The following FAM171A1 variants were observed in gnomAD, a reference collection of about 807,000 sequenced individuals.
FAM171A1 encodes family with sequence similarity 171 member A1.
A neutral mutation model predicts 74.9 loss-of-function variants in FAM171A1; 23 were observed. The ratio of observed to expected loss-of-function variants is 0.31; its 90% CI spans 0.22 to 0.44. The LOEUF (loss-of-function observed/expected upper bound fraction) is 0.44. Among genes scored for constraint, FAM171A1 ranks in the 20% least tolerant of loss-of-function variants. The pLI is 1.00. For missense variants in FAM171A1, 1,162 were observed against 1,159.2 expected (o/e 1.00, Z -0.03); for synonymous variants, 527 against 505.7 (o/e 1.04, Z -0.57).
intron 1 of FAM171A1, among the ~76,000 whole-genome samples, chr10:15,324,004 G>A (rs1245981662): frequency 3.3e-5 from 5 of 152,164 alleles, no homozygotes; most frequent in Admixed American, 2.0e-4. Context: ...TGGAAACGAT[G>A]CTGGTTAGCC....
intron 1 of FAM171A1, among the ~76,000 whole-genome samples, chr10:15,297,100 C>G (rs765068970): frequency 6.6e-6 from 1 of 151,820 alleles, no homozygotes; most frequent in Non-Finnish European, 1.5e-5. Flanking sequence ...TTGTGTCACC[C>G]AGGCTGGAGT....
chr10:15,369,400 G>A (rs1226040546), intron 1 of FAM171A1, among the ~76,000 whole-genome samples: 2 of 152,014 alleles, frequency 1.3e-5, no homozygotes, highest in Non-Finnish European at 2.9e-5. Context: ...AAAGCAGTAG[G>A]GTATTAATAA....
At chr10:15,271,095 G>A (rs1402342580) in intron 3 of FAM171A1, among the ~76,000 whole-genome samples, 1 of 152,168 alleles carries the variant, frequency 6.6e-6, no homozygotes, top group Non-Finnish European at 1.5e-5. Context: ...CTGAGCTAAA[G>A]GAAGATGTTC....
intron 3 of FAM171A1, among the ~76,000 whole-genome samples, chr10:15,273,981 G>A (rs1834861079): frequency 6.6e-6 from 1 of 152,156 alleles, no homozygotes; most frequent in Non-Finnish European, 1.5e-5. Flanking sequence ...GCATAAGACA[G>A]GGATGCCCTC....
At chr10:15,254,978 C>G (rs1464848011) in intron 3 of FAM171A1, 99 bp from the exon 4 acceptor site, 1 of 1,099,056 alleles carries the variant, frequency 9.1e-7, no homozygotes, top group Non-Finnish European at 1.3e-6. Flanking sequence ...CAGCACGCCT[C>G]CCCCACCCTG....
intron 1 of FAM171A1, among the ~76,000 whole-genome samples, chr10:15,316,970 G>T (rs1254487386): frequency 6.6e-6 from 1 of 151,878 alleles, no homozygotes. Flanking sequence ...GTGATGCAAG[G>T]ACTGAAGAGT....
chr10:15,337,671 T>TTAATGAGCAGTAGGGGTC (rs1564284004), intron 1 of FAM171A1, among the ~76,000 whole-genome samples: 1 of 151,244 alleles, frequency 6.6e-6, no homozygotes, highest in South Asian at 2.1e-4. Flanking sequence ...CAGTAGGGGT[T>TTAATGAGCAGTAGGGGTC]GGCGCGGTGG....
At chr10:15,274,505 T>A (rs1015354897) in intron 3 of FAM171A1, among the ~76,000 whole-genome samples, 4 of 152,296 alleles carry the variant, frequency 2.6e-5, no homozygotes, top group African/African-American at 9.6e-5. Context: ...AAGCTCCCAA[T>A]GACTTTCTTC....
intron 1 of FAM171A1, among the ~76,000 whole-genome samples, chr10:15,359,429 G>A (rs1005755229): frequency 1.3e-5 from 2 of 152,134 alleles, no homozygotes; most frequent in South Asian, 4.1e-4. Context: ...GAACCTGAGA[G>A]GACACCCTCA....
intron 1 of FAM171A1, among the ~76,000 whole-genome samples, chr10:15,343,283 C>T (rs573977960): frequency 2.0e-5 from 3 of 152,286 alleles, no homozygotes; most frequent in African/African-American, 7.2e-5. Flanking sequence ...GTGGGAGGAT[C>T]GCTTGAGCCC....
intron 1 of FAM171A1, among the ~76,000 whole-genome samples, chr10:15,348,138 C>T (rs776836753): frequency 6.6e-6 from 1 of 150,564 alleles, no homozygotes; most frequent in Non-Finnish European, 1.5e-5. Flanking sequence ...CCACCATTCC[C>T]GGCTAATTTT....
At chr10:15,344,783 A>G (rs1835801024) in intron 1 of FAM171A1, among the ~76,000 whole-genome samples, 1 of 152,230 alleles carries the variant, frequency 6.6e-6, no homozygotes, top group Non-Finnish European at 1.5e-5. Context: ...ACTTTGTCTC[A>G]GTGGAAAAGG....
chr10:15,224,905 G>A (rs538508587), intron 5 of FAM171A1, among the ~76,000 whole-genome samples: 2 of 152,250 alleles, frequency 1.3e-5, no homozygotes, highest in Non-Finnish European at 2.9e-5. Context: ...CCCATTCTGT[G>A]ACTTTGCCTG....
At chr10:15,315,063 G>A (rs1588549369) in intron 1 of FAM171A1, among the ~76,000 whole-genome samples, 1 of 152,328 alleles carries the variant, frequency 6.6e-6, no homozygotes, top group South Asian at 2.1e-4. Context: ...AACCAACCTG[G>A]TTGAGGTATA....
At position 15,233,298 on chromosome 10, in the gene FAM171A1, A is replaced by C. The variant is rs368916965; in HGVS notation, c.755-12238T>G. On this transcript the variant is annotated intron_variant, in intron 5 of 7. Transcript: ENST00000378116. Reference sequence around the variant, plus strand: ...TGACAGAGCAAGACTCCGTCTCAAAAAAAAACAAAAACAAAAACAAAAAAA... The same window carrying C: ...TGACAGAGCAAGACTCCGTCTCAAACAAAAACAAAAACAAAAACAAAAAAA... Among the ~76,000 whole-genome samples, 420 of 151,470 alleles carry C rather than the reference A, an allele frequency of 2.8e-3. 1 individual carries two copies. Among genetic ancestry groups the C allele is most frequent in the African/African-American group, 9.8e-3 (406 of 41,482 alleles).
chr10:15,232,875 T>C (rs189548010), intron 5 of FAM171A1, among the ~76,000 whole-genome samples: 10 of 152,372 alleles, frequency 6.6e-5, no homozygotes, highest in Admixed American at 4.6e-4. Flanking sequence ...CTAAAGTTCC[T>C]TTCTGATAAA....
At chr10:15,270,518 T>C (rs1457933646) in intron 3 of FAM171A1, among the ~76,000 whole-genome samples, 1 of 152,178 alleles carries the variant, frequency 6.6e-6, no homozygotes. Context: ...TTGACAGCTC[T>C]GAACAGAGTA....
chr10:15,273,684 C>T (rs1237902972), intron 3 of FAM171A1, among the ~76,000 whole-genome samples: 1 of 152,156 alleles, frequency 6.6e-6, no homozygotes, highest in Non-Finnish European at 1.5e-5. Flanking sequence ...AGCTTATCCA[C>T]CATGATCAAG....
chr10:15,345,089 T>C (rs1298306551), intron 1 of FAM171A1, among the ~76,000 whole-genome samples: 1 of 152,246 alleles, frequency 6.6e-6, no homozygotes, highest in Non-Finnish European at 1.5e-5. Context: ...TGTTTAATCT[T>C]GTAACTATGA....
Sources: gnomAD v4.1 joint callset for allele counts (sites outside exome capture counted in the v4.1 genomes callset) on GRCh38, gnomAD v4.1.1 for gene constraint, MANE v1.5 for transcripts, NCBI Gene and HGNC (gene_info 2026-07-23, HGNC 2026-07-21) for gene names.